CCDC102B: variants seen among roughly 807,000 people sequenced by gnomAD.
CCDC102B encodes the protein coiled-coil domain-containing protein 102B.
CCDC102B carries 75 observed loss-of-function variants against 57.4 expected under a neutral mutation model. That is an observed-to-expected ratio of 1.31 (90% confidence interval 1.08 to 1.58). The LOEUF (loss-of-function observed/expected upper bound fraction) is 1.58, where lower values mean the gene tolerates loss of function less well. CCDC102B is among the 40% of genes most tolerant of loss of function. The pLI is 0.00. For missense variants in CCDC102B, 636 were observed against 582.6 expected (o/e 1.09, Z -0.94); for synonymous variants, 206 against 201.9 (o/e 1.02, Z -0.17).
chr18:68,783,446 G>A (rs2035074536), intron 2 of CCDC102B, among the ~76,000 whole-genome samples: 1 of 152,134 alleles, frequency 6.6e-6, no homozygotes, highest in South Asian at 2.1e-4. Flanking sequence ...AGACTCTGCC[G>A]TCCAAGCAGC....
At chr18:68,740,628 C>G (rs1018771390) in intron 2 of CCDC102B, among the ~76,000 whole-genome samples, 8 of 152,110 alleles carry the variant, frequency 5.3e-5, no homozygotes, top group Non-Finnish European at 7.3e-5. Context: ...AGGTGAGGAC[C>G]TTGGCCATTG....
At chr18:68,801,725 T>C (rs1297838656) in intron 1 of CCDC102B, among the ~76,000 whole-genome samples, 1 of 152,148 alleles carries the variant, frequency 6.6e-6, no homozygotes, top group Non-Finnish European at 1.5e-5. Flanking sequence ...TTTGGAAATA[T>C]AACACAGGTA....
intron 7 of CCDC102B, among the ~76,000 whole-genome samples, chr18:69,042,023 C>A (rs1441872778): frequency 6.6e-6 from 1 of 151,936 alleles, no homozygotes; most frequent in Admixed American, 6.6e-5. Flanking sequence ...CAAGGGTGTC[C>A]TCTGACTTAT....
chr18:68,784,175 T>C (rs985573913), intron 2 of CCDC102B, among the ~76,000 whole-genome samples: 2 of 152,168 alleles, frequency 1.3e-5, no homozygotes, highest in Non-Finnish European at 2.9e-5. Context: ...AGAGGTTAAT[T>C]GACTCACAGT....
rs139825344 is a variant in CCDC102B at position 68,987,240 on chromosome 18, A to G, written c.1264-23694A>G. 7.2e-4 allele frequency among the ~76,000 whole-genome samples: 109 copies of G among 152,306 alleles called. 1 individual carries two copies. In the East Asian group the frequency reaches 0.017, roughly 24 times the overall value. ...AAACAGACACATTGACCAATGGAGA[A>G]GGTTGGAGAATCCAGAAATAAAGCT... is the stretch of plus-strand genomic sequence containing the variant. On this transcript the variant is annotated intron_variant, in intron 6 of 7. Coordinates refer to ENST00000360242, the MANE Select transcript of CCDC102B (RefSeq NM_024781.3).
intron 5 of CCDC102B, among the ~76,000 whole-genome samples, chr18:68,889,043 T>C (rs2039984007): frequency 6.6e-6 from 1 of 151,848 alleles, no homozygotes; most frequent in Admixed American, 6.6e-5. Flanking sequence ...TTTTTTTTCT[T>C]TGTCTCTTTT....
chr18:69,046,505 A>T lies in CCDC102B; in HGVS notation c.1435-7525A>T, dbSNP rs941548726. ...ATTCTGGATATTAGACCTTTGTCAGATGGATGGTTTGCAAAAAATTTCTCT... is the reference window on the plus strand; with the variant it reads ...ATTCTGGATATTAGACCTTTGTCAGTTGGATGGTTTGCAAAAAATTTCTCT... On this transcript the variant is annotated intron_variant, in intron 7 of 7. Transcript: ENST00000360242. Among the ~76,000 whole-genome samples, 2 of 152,030 alleles carry T rather than the reference A, an allele frequency of 1.3e-5. 1 individual carries two copies. The highest frequency in any genetic ancestry group is 1.3e-4 in the Admixed American group (2 of 15,234).
chr18:68,970,269 A>G (rs1249180765), intron 6 of CCDC102B, among the ~76,000 whole-genome samples: 1 of 152,078 alleles, frequency 6.6e-6, no homozygotes, highest in African/African-American at 2.4e-5. Flanking sequence ...TACTGGAAGA[A>G]TATAGCTGAG....
chr18:68,924,903 A>C (rs888577094), intron 6 of CCDC102B, among the ~76,000 whole-genome samples: 3 of 152,034 alleles, frequency 2.0e-5, no homozygotes, highest in Non-Finnish European at 4.4e-5. Flanking sequence ...TAGTTAAAAT[A>C]CTGTTTACCA....
intron 4 of CCDC102B, among the ~76,000 whole-genome samples, chr18:68,873,905 C>T (rs1482575755): frequency 1.3e-5 from 2 of 151,202 alleles, no homozygotes; most frequent in Non-Finnish European, 3.0e-5. Flanking sequence ...TATGTCAATG[C>T]AACAAAACAT....
chr18:68,738,088 T>C lies in CCDC102B; in HGVS notation c.-67+21494T>C, dbSNP rs147266946. 1.1e-3 allele frequency among the ~76,000 whole-genome samples: 163 copies of C among 152,266 alleles called. No individual in the cohort carries two copies. The East Asian group carries it at 0.016, about 15-fold the overall frequency. ...CACCATCCCCTTGCAGGGTGTCACATTGAAGCTCATGACTCCCTGTATCTA... is the reference window on the plus strand; with the variant it reads ...CACCATCCCCTTGCAGGGTGTCACACTGAAGCTCATGACTCCCTGTATCTA... On this transcript the variant is annotated intron_variant, in intron 2 of 3. Coordinates refer to the CCDC102B transcript ENST00000578970.
At chr18:68,874,276 T>C (rs1343649561) in intron 4 of CCDC102B, among the ~76,000 whole-genome samples, 1 of 151,482 alleles carries the variant, frequency 6.6e-6, no homozygotes, top group Non-Finnish European at 1.5e-5. Flanking sequence ...ATACTATTAA[T>C]GCTTTATAGA....
At chr18:68,867,316 G>T (rs2039036574) in intron 4 of CCDC102B, among the ~76,000 whole-genome samples, 1 of 152,128 alleles carries the variant, frequency 6.6e-6, no homozygotes. Context: ...ATATGGAGTG[G>T]CTGCAAAATC....
intron 7 of CCDC102B, among the ~76,000 whole-genome samples, chr18:69,043,970 C>G (rs17080142): frequency 0.05 from 7,627 of 152,138 alleles, 269 homozygotes; most frequent in East Asian, 0.16. Context: ...TTCAGAATGT[C>G]TGGTAAGGGG....
intron 6 of CCDC102B, among the ~76,000 whole-genome samples, chr18:68,952,627 G>T (rs948047605): frequency 5.9e-5 from 9 of 152,210 alleles, no homozygotes; most frequent in African/African-American, 2.2e-4. Context: ...GAGAAAAGCT[G>T]TATAAAAGTT....
intron 6 of CCDC102B, among the ~76,000 whole-genome samples, chr18:69,006,868 G>A (rs2051364905): frequency 6.6e-6 from 1 of 152,194 alleles, no homozygotes; most frequent in Admixed American, 6.5e-5. Context: ...TGATAACAAG[G>A]TGAACGCCAG....
Position 68,988,398 on chromosome 18 carries a change from C to G in CCDC102B, c.1264-22536C>G, listed in dbSNP as rs555036621. ...ACAGAATCTGTAGACTGCTAGAGTG[C>G]GGAGGGTGGGAGGGTATGGGTTGAG... On this transcript the variant is annotated intron_variant, in intron 6 of 7. Coordinates refer to ENST00000360242, the MANE Select transcript of CCDC102B (RefSeq NM_024781.3). Among the ~76,000 whole-genome samples, 3 of 1,560 alleles carry G rather than the reference C, an allele frequency of 1.9e-3. No homozygotes were observed. In the East Asian group the frequency reaches 0.058, roughly 30 times the overall value. The allele number at this position is 1,560 out of a possible 152,430, so 1.0% of individuals were successfully genotyped here.
intron 1 of CCDC102B, among the ~76,000 whole-genome samples, chr18:68,829,031 GA>G (rs1325236548): frequency 6.6e-6 from 1 of 151,796 alleles, no homozygotes; most frequent in Non-Finnish European, 1.5e-5. Flanking sequence ...TTTTCTGAAA[GA>G]AAAAACTATC....
intron 2 of CCDC102B, among the ~76,000 whole-genome samples, chr18:68,787,330 A>T (rs1256651458): frequency 6.6e-6 from 1 of 151,792 alleles, no homozygotes; most frequent in Non-Finnish European, 1.5e-5. Flanking sequence ...TATCAGAATG[A>T]TGCTGGCCTC....
Sources: allele counts gnomAD v4.1 joint callset (sites outside exome capture counted in the v4.1 genomes callset), GRCh38; gene constraint gnomAD v4.1.1; transcripts MANE v1.5; gene names NCBI Gene and HGNC (gene_info 2026-07-23, HGNC 2026-07-21).